ANKFN1: variants seen among roughly 807,000 people sequenced by gnomAD.
ANKFN1 encodes ankyrin repeat and fibronectin type-III domain-containing protein 1.
ANKFN1 carries 74 observed loss-of-function variants against 108.7 expected under a neutral mutation model. The ratio of observed to expected loss-of-function variants is 0.68; its 90% CI spans 0.56 to 0.83. The LOEUF is 0.83. Among genes scored for constraint, ANKFN1 ranks in the 40% least tolerant of loss-of-function variants. ANKFN1 has a pLI of 0.00. For missense variants in ANKFN1, 1,505 were observed against 1,382.3 expected (o/e 1.09, Z -1.41); for synonymous variants, 547 against 516.2 (o/e 1.06, Z -0.81).
chr17:56,178,665 C>G (rs1911397756), intron 1 of ANKFN1, among the ~76,000 whole-genome samples: 1 of 151,866 alleles, frequency 6.6e-6, no homozygotes, highest in Non-Finnish European at 1.5e-5. Flanking sequence ...TTTTTAACCT[C>G]AGGGTGGGCG....
chr17:56,443,252 G>A (rs1255359325), intron 10 of ANKFN1, among the ~76,000 whole-genome samples: 1 of 152,160 alleles, frequency 6.6e-6, no homozygotes, highest in Non-Finnish European at 1.5e-5. Flanking sequence ...CAGTTACTGG[G>A]GAGGCTGAGG....
intron 8 of ANKFN1, among the ~76,000 whole-genome samples, chr17:56,385,744 A>G (rs1237872741): frequency 2.0e-5 from 3 of 152,250 alleles, no homozygotes; most frequent in Non-Finnish European, 4.4e-5. Flanking sequence ...TGGCCATCAG[A>G]GAAATGCAAA....
intron 1 of ANKFN1, among the ~76,000 whole-genome samples, chr17:56,187,519 A>T (rs577145894): frequency 2.0e-5 from 3 of 152,338 alleles, no homozygotes; most frequent in African/African-American, 7.2e-5. Flanking sequence ...ATTGTAGAAG[A>T]CAGTGTGGTG....
At position 56,264,279 on chromosome 17, in the gene ANKFN1, CAGA is replaced by C. The variant is rs764537962; in HGVS notation, c.53+36325_53+36327del. On this transcript the variant is annotated intron_variant, in intron 3 of 20. Transcript: ENST00000682825. ...ATATGCTGGAGCCTCTTCTCCTCTGCAGAAGGATTCCATTGATCTCTTTGCCCT... is the reference window on the plus strand; with the variant it reads ...ATATGCTGGAGCCTCTTCTCCTCTGCAGGATTCCATTGATCTCTTTGCCCT... Among the ~76,000 whole-genome samples the C allele has an allele frequency of 2.0e-5, 3 of 152,324 alleles. No homozygotes were observed. The South Asian group carries it at 6.2e-4, about 32-fold the overall frequency.
At chr17:56,186,304 A>G (rs1912200780) in intron 1 of ANKFN1, among the ~76,000 whole-genome samples, 1 of 151,700 alleles carries the variant, frequency 6.6e-6, no homozygotes, top group African/African-American at 2.4e-5. Flanking sequence ...TTGAGCATAT[A>G]AAAATAATAA....
rs773489500 is a variant in ANKFN1 at position 56,457,263 on chromosome 17, C to G, written c.1314C>G (p.Leu438=). The G allele has an allele frequency of 6.3e-7, 1 of 1,583,862 alleles. No individual in the cohort carries two copies. The highest frequency in any genetic ancestry group is 8.6e-7 in the Non-Finnish European group (1 of 1,166,882). Residue 438 remains leucine (L), a synonymous_variant, in exon 13 of 21, where the codon CTC becomes CTG. Transcript: ENST00000682825. ...TTTTCCTTTTTCTTTTTAGGGGACTCTACATAGCCGTTATATTTTATTACA... is the reference window on the plus strand; with the variant it reads ...TTTTCCTTTTTCTTTTTAGGGGACTGTACATAGCCGTTATATTTTATTACA... ...NKFVKTLKRG[L]YIAVIFYYKD...
intron 4 of ANKFN1, among the ~76,000 whole-genome samples, chr17:56,328,218 A>G (rs2045574272): frequency 6.6e-6 from 1 of 152,196 alleles, no homozygotes; most frequent in Admixed American, 6.5e-5. Context: ...GGTATAATCC[A>G]TGTATAGAAC....
At chr17:56,049,999 A>G (rs1343079616) in intron 4 of ANKFN1, among the ~76,000 whole-genome samples, 5 of 152,142 alleles carry the variant, frequency 3.3e-5, no homozygotes, top group East Asian at 1.9e-4. Context: ...CTAGTTTACA[A>G]TCCCACCAAC....
At chr17:56,297,713 A>G (rs960248203) in intron 3 of ANKFN1, among the ~76,000 whole-genome samples, 2 of 152,180 alleles carry the variant, frequency 1.3e-5, no homozygotes, top group Non-Finnish European at 2.9e-5. Flanking sequence ...TCTAAAATGC[A>G]AAATAACCAT....
rs1186572424 is a variant in ANKFN1 at position 56,515,545 on chromosome 17, A to T, written c.*4276A>T. On this transcript the variant is annotated 3_prime_UTR_variant, in exon 21 of 21. Coordinates refer to ENST00000682825, the MANE Select transcript of ANKFN1 (RefSeq NM_001370326.1). ...CACCTCTCATAAGATGTTCAAACACATGGCTTATGACTGTTAAGCTAAACT... is the reference window on the plus strand; with the variant it reads ...CACCTCTCATAAGATGTTCAAACACTTGGCTTATGACTGTTAAGCTAAACT... Among the ~76,000 whole-genome samples, 2 of 152,214 alleles carry T rather than the reference A, an allele frequency of 1.3e-5. No individual in the cohort carries two copies. Among genetic ancestry groups the T allele is most frequent in the Non-Finnish European group, 2.9e-5 (2 of 68,034 alleles).
chr17:56,167,318 C>CACATAT (rs1461054331), intron 1 of ANKFN1, among the ~76,000 whole-genome samples: 9 of 133,252 alleles, frequency 6.8e-5, no homozygotes, highest in African/African-American at 1.7e-4. Flanking sequence ...CACACACACA[C>CACATAT]ATATATATAT....
Position 56,514,330 on chromosome 17 carries a change from A to G in ANKFN1, c.*3061A>G, listed in dbSNP as rs1199864179. Among the ~76,000 whole-genome samples the G allele has an allele frequency of 6.6e-6, 1 of 152,204 alleles. No homozygotes were observed. Among genetic ancestry groups the G allele is most frequent in the East Asian group, 1.9e-4 (1 of 5,198 alleles). ...CCACAAGAAGCTCACAATCTGATCT[A>G]AGAATGTAGCCATACATTCACCATA... On this transcript the variant is annotated 3_prime_UTR_variant, in exon 21 of 21. Coordinates refer to ENST00000682825, the MANE Select transcript of ANKFN1 (RefSeq NM_001370326.1).
intron 8 of ANKFN1, among the ~76,000 whole-genome samples, chr17:56,378,489 C>T (rs1177470738): frequency 3.3e-5 from 5 of 151,980 alleles, no homozygotes; most frequent in Admixed American, 1.3e-4. Context: ...ATTTATCTAT[C>T]AAGAAAAATG....
intron 4 of ANKFN1, among the ~76,000 whole-genome samples, chr17:56,140,993 C>T (rs1907886209): frequency 6.6e-6 from 1 of 152,136 alleles, no homozygotes. Flanking sequence ...TCAGCCTTAC[C>T]TACTGGAGCT....
intron 3 of ANKFN1, among the ~76,000 whole-genome samples, chr17:56,275,955 G>A (rs1000789174): frequency 4.6e-5 from 7 of 151,982 alleles, no homozygotes; most frequent in South Asian, 2.1e-4. Context: ...TTGGCTTGCC[G>A]CACCCTGTAA....
intron 4 of ANKFN1, among the ~76,000 whole-genome samples, chr17:56,136,215 G>GC (rs1412743414): frequency 6.6e-6 from 1 of 152,080 alleles, no homozygotes; most frequent in African/African-American, 2.4e-5. Flanking sequence ...ACCATTCACT[G>GC]CCCCCCATGG....
chr17:56,260,535 A>G (rs929015872), intron 3 of ANKFN1, among the ~76,000 whole-genome samples: 1 of 152,126 alleles, frequency 6.6e-6, no homozygotes, highest in Non-Finnish European at 1.5e-5. Flanking sequence ...GCATCAACTA[A>G]TTCATCCCAA....
chr17:56,511,510 A>G lies in ANKFN1; in HGVS notation c.*241A>G. On this transcript the variant is annotated 3_prime_UTR_variant, in exon 21 of 21. Coordinates refer to ENST00000682825, the MANE Select transcript of ANKFN1 (RefSeq NM_001370326.1). Reference sequence around the variant, plus strand: ...CATGGGGGAGTTGTGTCAACATGGAATACGACATACAGTGACTCAAACATG... The same window carrying G: ...CATGGGGGAGTTGTGTCAACATGGAGTACGACATACAGTGACTCAAACATG... 3 of 522,926 alleles carry G rather than the reference A, an allele frequency of 5.7e-6. No homozygotes were observed. Among genetic ancestry groups the G allele is most frequent in the East Asian group, 6.5e-5 (2 of 30,878 alleles). The allele number at this position is 522,926 out of a possible 1,614,324, so 32.4% of individuals were successfully genotyped here.
intron 17 of ANKFN1, among the ~76,000 whole-genome samples, chr17:56,481,967 CT>C (rs1391628123): frequency 6.6e-6 from 1 of 151,026 alleles, no homozygotes; most frequent in African/African-American, 2.4e-5. Context: ...TTTTTGGATA[CT>C]TGTAAAATTT....
Sources: allele counts gnomAD v4.1 joint callset (sites outside exome capture counted in the v4.1 genomes callset), GRCh38; gene constraint gnomAD v4.1.1; transcripts MANE v1.5; gene names NCBI Gene and HGNC (gene_info 2026-07-23, HGNC 2026-07-21).